The following BRD10 variants were observed in gnomAD, a reference collection of about 807,000 sequenced individuals.
The protein encoded by BRD10 is bromodomain containing 10.
the BRD10 span, among the ~76,000 whole-genome samples, chr9:5,900,806 G>C: frequency 6.6e-6 from 1 of 152,210 alleles, no homozygotes; most frequent in African/African-American, 2.4e-5. Context: ...CTGAACAGTG[G>C]TTTTTATATT....
At chr9:5,979,348 T>C in the BRD10 span, among the ~76,000 whole-genome samples, 2 of 152,124 alleles carry the variant, frequency 1.3e-5, no homozygotes, top group South Asian at 2.1e-4. Flanking sequence ...ACCTCGTCTT[T>C]ACGAAAAATG....
the BRD10 span, chr9:6,008,152 C>T: frequency 1.0e-6 from 1 of 981,248 alleles, no homozygotes. Context: ...CGCCCCACCC[C>T]CTCCCGGGCC....
chr9:5,960,193 A>G, the BRD10 span, among the ~76,000 whole-genome samples: 3 of 152,148 alleles, frequency 2.0e-5, no homozygotes, highest in South Asian at 2.1e-4. Context: ...TTTTTCACCT[A>G]TAAGAGAATA....
At chr9:5,966,729 A>T in the BRD10 span, among the ~76,000 whole-genome samples, 1 of 152,080 alleles carries the variant, frequency 6.6e-6, no homozygotes, top group African/African-American at 2.4e-5. Context: ...AAATGCTGGG[A>T]TTACAGGTGT....
the BRD10 span, among the ~76,000 whole-genome samples, chr9:5,914,309 T>TA: frequency 2.6e-5 from 4 of 152,018 alleles, no homozygotes; most frequent in Admixed American, 2.6e-4. Context: ...CTTAATAATT[T>TA]AATCTCTTTT....
chr9:5,916,517 A>G, the BRD10 span, among the ~76,000 whole-genome samples: 1 of 140,200 alleles, frequency 7.1e-6, no homozygotes, highest in Non-Finnish European at 1.5e-5. Context: ...GTATATATAC[A>G]TATGTGTGTA....
At chr9:5,940,074 T>C in the BRD10 span, among the ~76,000 whole-genome samples, 1 of 152,242 alleles carries the variant, frequency 6.6e-6, no homozygotes, top group Non-Finnish European at 1.5e-5. Context: ...GAATTTACCT[T>C]ATTTTAAGAA....
At chr9:5,974,164 C>A in the BRD10 span, among the ~76,000 whole-genome samples, 1 of 152,024 alleles carries the variant, frequency 6.6e-6, no homozygotes, top group Non-Finnish European at 1.5e-5. Flanking sequence ...ATTACGTATA[C>A]AGGAATGACA....
At chr9:5,912,698 G>A in the BRD10 span, among the ~76,000 whole-genome samples, 3 of 152,124 alleles carry the variant, frequency 2.0e-5, no homozygotes, top group Admixed American at 1.3e-4. Context: ...TCAGGAAAAT[G>A]AGCCTCACCC....
At chr9:5,938,410 C>T in the BRD10 span, among the ~76,000 whole-genome samples, 1 of 152,114 alleles carries the variant, frequency 6.6e-6, no homozygotes, top group African/African-American at 2.4e-5. Context: ...CGTGCCATTG[C>T]ACTCCAGCCT....
the BRD10 span, among the ~76,000 whole-genome samples, chr9:5,954,573 C>T: frequency 2.6e-5 from 4 of 152,186 alleles, no homozygotes. Context: ...AGTTTTTCTA[C>T]TCCTTTAGCT....
the BRD10 span, chr9:5,899,200 G>C: frequency 6.6e-6 from 1 of 152,168 alleles, no homozygotes; most frequent in Non-Finnish European, 1.5e-5. Flanking sequence ...CTTTCCAAAA[G>C]ATGTTGGAAA....
chr9:6,002,512 G>T, the BRD10 span, among the ~76,000 whole-genome samples: 24 of 152,068 alleles, frequency 1.6e-4, no homozygotes, highest in Admixed American at 3.9e-4. Flanking sequence ...TAAACATTTT[G>T]TTAAAATTTC....
the BRD10 span, among the ~76,000 whole-genome samples, chr9:6,005,425 A>C: frequency 6.6e-6 from 1 of 152,314 alleles, no homozygotes; most frequent in East Asian, 1.9e-4. Flanking sequence ...GTATCGCTTG[A>C]ACCCGGGAGG....
the BRD10 span, chr9:6,008,094 C>T: frequency 1.0e-6 from 1 of 984,558 alleles, no homozygotes; most frequent in African/African-American, 1.8e-5. Context: ...CGCACCCCGC[C>T]CGCCTGCTCT....
At chr9:5,981,480 G>A in the BRD10 span, among the ~76,000 whole-genome samples, 120 of 152,280 alleles carry the variant, frequency 7.9e-4, 1 homozygote, top group African/African-American at 2.7e-3. Context: ...TACCAACACT[G>A]ACAGATACGA....
the BRD10 span, among the ~76,000 whole-genome samples, chr9:5,892,190 G>A: frequency 6.6e-6 from 1 of 152,164 alleles, no homozygotes; most frequent in African/African-American, 2.4e-5. Flanking sequence ...AACTCAACTT[G>A]CAAGTCTTTT....
the BRD10 span, among the ~76,000 whole-genome samples, chr9:6,006,861 G>A: frequency 6.6e-6 from 1 of 152,198 alleles, no homozygotes; most frequent in Non-Finnish European, 1.5e-5. Flanking sequence ...AAAAGTTGCA[G>A]GTCCAACTTC....
the BRD10 span, among the ~76,000 whole-genome samples, chr9:5,961,506 T>C: frequency 2.6e-5 from 4 of 152,164 alleles, no homozygotes; most frequent in Non-Finnish European, 4.4e-5. Flanking sequence ...TTTTAATTTA[T>C]GCACAGCTAA....
Sources: gnomAD v4.1 joint callset for allele counts (sites outside exome capture counted in the v4.1 genomes callset) on GRCh38, gnomAD v4.1.1 for gene constraint, MANE v1.5 for transcripts, NCBI Gene and HGNC (gene_info 2026-07-23, HGNC 2026-07-21) for gene names.